The following NPIPB2 variants were observed in gnomAD, a reference collection of about 807,000 sequenced individuals.
NPIPB2 encodes nuclear pore complex-interacting protein family member B2.
Under a neutral mutation model 30.8 loss-of-function variants are expected in NPIPB2, and 27 were observed. The ratio of observed to expected loss-of-function variants is 0.88; its 90% confidence interval spans 0.65 to 1.21. The LOEUF (loss-of-function observed/expected upper bound fraction) is 1.21. Ranked by LOEUF, NPIPB2 falls within the 50% of genes most tolerant of loss-of-function variation. NPIPB2 has a pLI of 0.00. For synonymous variants in NPIPB2, 147 were observed against 162.0 expected (o/e 0.91, Z 0.70); for missense variants, 440 against 446.2 (o/e 0.99, Z 0.13).
intron 1 of NPIPB2, among the ~76,000 whole-genome samples, chr16:11,949,414 G>T (rs1480371931): frequency 6.6e-6 from 1 of 152,252 alleles, no homozygotes; most frequent in Non-Finnish European, 1.5e-5. Flanking sequence ...TCCCACCCAG[G>T]CTCATGTGAC....
intron 1 of NPIPB2, among the ~76,000 whole-genome samples, chr16:11,965,754 T>C (rs914506906): frequency 2.0e-5 from 3 of 152,172 alleles, no homozygotes; most frequent in African/African-American, 7.2e-5. Context: ...ATGGAAATAA[T>C]CCATACTTGA....
intron 2 of NPIPB2, among the ~76,000 whole-genome samples, chr16:11,936,869 A>T (rs2054874516): frequency 6.7e-6 from 1 of 148,516 alleles, no homozygotes; most frequent in Non-Finnish European, 1.5e-5. Context: ...GACGCAGTGC[A>T]GTTGTGCCCT....
At chr16:11,962,553 A>C (rs560268369) in intron 1 of NPIPB2, among the ~76,000 whole-genome samples, 114 of 147,404 alleles carry the variant, frequency 7.7e-4, no homozygotes, top group African/African-American at 2.7e-3. Flanking sequence ...CGGAGCTTGC[A>C]GTGAGCTGAG....
chr16:11,968,295 G>A (rs1315865341), intron 1 of NPIPB2, among the ~76,000 whole-genome samples: 1 of 152,098 alleles, frequency 6.6e-6, no homozygotes, highest in Admixed American at 6.6e-5. Context: ...TGGCCAACAT[G>A]GTGAAACCCT....
intron 2 of NPIPB2, 114 bp from the exon 3 acceptor site, chr16:11,934,038 C>A (rs1049272547): frequency 6.8e-6 from 5 of 733,862 alleles, no homozygotes; most frequent in African/African-American, 5.2e-5. Flanking sequence ...CAAGACCAGC[C>A]TGGCCAAGAT....
At chr16:11,950,316 A>G (rs941623244) in intron 1 of NPIPB2, among the ~76,000 whole-genome samples, 18 of 152,128 alleles carry the variant, frequency 1.2e-4, no homozygotes, top group African/African-American at 4.1e-4. Context: ...GATTACAGGC[A>G]TGAGCCACCA....
At chr16:11,956,752 G>A (rs2055115988) in intron 1 of NPIPB2, among the ~76,000 whole-genome samples, 1 of 152,188 alleles carries the variant, frequency 6.6e-6, no homozygotes, top group African/African-American at 2.4e-5. Flanking sequence ...AGATGCTCAT[G>A]CTGGCATTGG....
At chr16:11,960,698 C>T (rs2055147022) in intron 1 of NPIPB2, among the ~76,000 whole-genome samples, 1 of 151,686 alleles carries the variant, frequency 6.6e-6, no homozygotes, top group Non-Finnish European at 1.5e-5. Flanking sequence ...TTCCTCACCA[C>T]TCCTTAAATA....
intron 1 of NPIPB2, chr16:11,967,615 G>C (rs745425401): frequency 1.2e-6 from 2 of 1,614,174 alleles, no homozygotes; most frequent in African/African-American, 1.3e-5. Flanking sequence ...GAAAAGAGCA[G>C]GACTGGTGAT....
chr16:11,933,144 C>T (rs1036136426), intron 4 of NPIPB2, among the ~76,000 whole-genome samples: 19 of 151,464 alleles, frequency 1.3e-4, no homozygotes, highest in African/African-American at 4.6e-4. Flanking sequence ...ACCTGTAATC[C>T]CAGCTACGTG....
chr16:11,941,999 G>T (rs1394477089), exon 1 of NPIPB2: 1 of 1,267,674 alleles, frequency 7.9e-7, no homozygotes. Context: ...AGAGTGCCAG[G>T]TTTTACAGCC....
At chr16:11,958,359 C>T (rs914389194) in intron 1 of NPIPB2, among the ~76,000 whole-genome samples, 8 of 150,744 alleles carry the variant, frequency 5.3e-5, no homozygotes, top group African/African-American at 1.5e-4. Flanking sequence ...ACCCAGGAGG[C>T]GGAGGTTGCA....
chr16:11,933,122 G>A (rs1348310076), intron 4 of NPIPB2, among the ~76,000 whole-genome samples: 2 of 151,834 alleles, frequency 1.3e-5, no homozygotes, highest in African/African-American at 4.8e-5. Flanking sequence ...TTAGCTGGGC[G>A]TGGTGGTGGG....
chr16:11,952,016 G>C (rs1322885841), intron 1 of NPIPB2, among the ~76,000 whole-genome samples: 1 of 152,038 alleles, frequency 6.6e-6, no homozygotes, highest in Non-Finnish European at 1.5e-5. Context: ...AAAATTAGCC[G>C]GGCGTAGTGG....
intron 1 of NPIPB2, among the ~76,000 whole-genome samples, chr16:11,940,888 A>C (rs907291509): frequency 1.3e-5 from 2 of 149,816 alleles, no homozygotes; most frequent in Non-Finnish European, 3.0e-5. Context: ...GCTCACTGCA[A>C]CGTCCAGCTC....
chr16:11,952,329 T>C lies in NPIPB2; in HGVS notation c.-583-10215A>G, dbSNP rs145593029. 8.9e-3 allele frequency among the ~76,000 whole-genome samples: 1,352 copies of C among 151,496 alleles called. 17 individuals carry two copies. The highest frequency in any genetic ancestry group is 0.025 in the South Asian group (121 of 4,790). ...CGCCACTGCACTCCAGCCTGGATGA[T>C]AGAGCAAGACTCCGTCTCAAAAATA... On this transcript the variant is annotated intron_variant, in intron 1 of 5. Transcript: ENST00000538896.
At chr16:11,950,930 C>A (rs2055055779) in intron 1 of NPIPB2, among the ~76,000 whole-genome samples, 1 of 152,064 alleles carries the variant, frequency 6.6e-6, no homozygotes, top group African/African-American at 2.4e-5. Context: ...GGCTAACACT[C>A]TTCTTTCTAG....
intron 1 of NPIPB2, among the ~76,000 whole-genome samples, chr16:11,971,818 T>G (rs1008385805): frequency 1.3e-5 from 2 of 152,050 alleles, no homozygotes; most frequent in Non-Finnish European, 2.9e-5. Flanking sequence ...ATTTTCTGAT[T>G]GGCAATTGGT....
At chr16:11,941,004 G>A (rs2054931574) in intron 1 of NPIPB2, among the ~76,000 whole-genome samples, 1 of 146,802 alleles carries the variant, frequency 6.8e-6, no homozygotes, top group Non-Finnish European at 1.5e-5. Flanking sequence ...TAGAGATGGG[G>A]TTTCGCTATG....
Sources: allele counts gnomAD v4.1 joint callset (sites outside exome capture counted in the v4.1 genomes callset), GRCh38; gene constraint gnomAD v4.1.1; transcripts MANE v1.5; gene names NCBI Gene and HGNC (gene_info 2026-07-23, HGNC 2026-07-21).